FBXW8: variants seen among roughly 807,000 people sequenced by gnomAD.
FBXW8 encodes the protein F-box and WD repeat domain containing 8.
Under a neutral mutation model 65.3 loss-of-function variants are expected in FBXW8, and 57 were observed. The ratio of observed to expected loss-of-function variants is 0.87; its 90% CI spans 0.71 to 1.09. The LOEUF is 1.09. Ranked by LOEUF, FBXW8 falls within the 50% of genes least tolerant of loss-of-function variation. The probability of loss-of-function intolerance (pLI) is 0.00; values close to 1 mark genes in which losing one functional copy is unlikely to be tolerated. For synonymous variants in FBXW8, 308 were observed against 330.2 expected, an observed-to-expected ratio of 0.93 and a Z score of 0.73; for missense variants, 777 against 814.8, an observed-to-expected ratio of 0.95 and a Z score of 0.57.
At chr12:116,986,366 C>G (rs1480157872) in intron 6 of FBXW8, 1 of 152,192 alleles carries the variant, frequency 6.6e-6, no homozygotes, top group East Asian at 1.9e-4. Flanking sequence ...TCAAAACTTC[C>G]ATAGTACTTA....
Position 117,010,365 on chromosome 12 carries a change from C to G in FBXW8, c.1282C>G (p.Leu428Val). 1 of 1,614,232 alleles carries G rather than the reference C, an allele frequency of 6.2e-7. No individual in the cohort carries two copies. Among genetic ancestry groups the G allele is most frequent in the Non-Finnish European group, 8.5e-7 (1 of 1,180,042 alleles). Residue 428 changes from leucine to valine, a missense_variant, in exon 8 of 11, where the codon CTG becomes GTG. By Grantham distance (32) the Leu-to-Val change is conservative (BLOSUM62 1). Coordinates refer to ENST00000652555, the MANE Select transcript of FBXW8 (RefSeq NM_153348.3). ...GGAAGCAGGACGCCGCCTCTTGAAG[C>G]TGGGTAACGTTCTCCGTGACTTCAC... ...SLEAGRRLLK[L>V]GNVLRDFTCV...
At chr12:116,963,986 G>A (rs1884151475) in intron 4 of FBXW8, among the ~76,000 whole-genome samples, 1 of 152,170 alleles carries the variant, frequency 6.6e-6, no homozygotes, top group Admixed American at 6.5e-5. Context: ...GTCATCCTGG[G>A]GGCCTCAAGT....
rs561095604 is a variant in FBXW8 at position 117,006,313 on chromosome 12, A to G, written c.1240-4010A>G. Among the ~76,000 whole-genome samples the G allele has an allele frequency of 2.0e-5, 3 of 152,334 alleles. No homozygotes were observed. In the East Asian group the frequency reaches 5.8e-4, roughly 29 times the overall value. On this transcript the variant is annotated intron_variant, in intron 7 of 10. Coordinates refer to ENST00000652555, the MANE Select transcript of FBXW8 (RefSeq NM_153348.3). ...GTATGCAAGTGGTTCATGATTAATTATGAGGGTGATAGCCCCCAATTTAGG... is the reference window on the plus strand; with the variant it reads ...GTATGCAAGTGGTTCATGATTAATTGTGAGGGTGATAGCCCCCAATTTAGG...
At position 117,028,214 on chromosome 12, in the gene FBXW8, C is replaced by G; in HGVS notation, c.*42C>G. The G allele has an allele frequency of 6.2e-7, 1 of 1,606,180 alleles. No individual in the cohort carries two copies. Among genetic ancestry groups the G allele is most frequent in the South Asian group, 1.1e-5 (1 of 90,786 alleles). ...GGAGCAAGGAGAAAAATGGGAAGAA[C>G]CAGTTTTATCCATCTTAAAACGCCA... On this transcript the variant is annotated 3_prime_UTR_variant, in exon 11 of 11. Coordinates refer to ENST00000652555, the MANE Select transcript of FBXW8 (RefSeq NM_153348.3). The surrounding 1 kb of genome is among the most constrained non-coding windows in gnomAD (Gnocchi z 4.1).
chr12:116,964,927 C>A, intron 5 of FBXW8, 73 bp downstream of exon 5: 1 of 1,474,422 alleles, frequency 6.8e-7, no homozygotes, highest in Non-Finnish European at 9.1e-7. Context: ...CTGTGGCCGG[C>A]TCCCCCCTGT....
chr12:116,924,860 A>T (rs1231742147), intron 1 of FBXW8, among the ~76,000 whole-genome samples: 1 of 152,204 alleles, frequency 6.6e-6, no homozygotes, highest in Non-Finnish European at 1.5e-5. Context: ...ATTTCCAATA[A>T]TAACAAACTG....
At chr12:116,919,237 C>T (rs1461541681) in intron 1 of FBXW8, among the ~76,000 whole-genome samples, 2 of 152,174 alleles carry the variant, frequency 1.3e-5, no homozygotes, top group South Asian at 2.1e-4. Context: ...GCTCCTTGTC[C>T]TCAGAGAGCC....
At chr12:116,940,409 G>A (rs902052996) in intron 2 of FBXW8, among the ~76,000 whole-genome samples, 7 of 151,424 alleles carry the variant, frequency 4.6e-5, no homozygotes, top group East Asian at 1.9e-4. Flanking sequence ...TGGGGCAGAC[G>A]TTGAGGTGGG....
At chr12:116,964,985 A>G in intron 5 of FBXW8, 131 bp downstream of exon 5, 1 of 878,780 alleles carries the variant, frequency 1.1e-6, no homozygotes. Context: ...TCACACACAT[A>G]CACTCACTCT....
intron 5 of FBXW8, among the ~76,000 whole-genome samples, chr12:116,970,329 C>T (rs916949430): frequency 1.6e-4 from 24 of 152,196 alleles, no homozygotes; most frequent in African/African-American, 5.5e-4. Context: ...GGACAGCCAG[C>T]AGTCCTCTTT....
At chr12:116,952,334 T>C (rs900470235) in intron 4 of FBXW8, among the ~76,000 whole-genome samples, 1 of 152,212 alleles carries the variant, frequency 6.6e-6, no homozygotes, top group African/African-American at 2.4e-5. Flanking sequence ...TGTCGTTTAG[T>C]GACACGACTG....
chr12:116,988,627 A>G (rs748900112), intron 6 of FBXW8, 36 bp from the exon 7 acceptor site: 3 of 1,592,424 alleles, frequency 1.9e-6, no homozygotes, highest in Admixed American at 1.7e-5. Context: ...AGTCAGGATG[A>G]ATTTATGGGA....
intron 2 of FBXW8, among the ~76,000 whole-genome samples, chr12:116,932,391 G>A (rs1881837898): frequency 6.6e-6 from 1 of 152,186 alleles, no homozygotes; most frequent in Admixed American, 6.5e-5. Context: ...AAAATTCAAA[G>A]CACCAGCAAG....
chr12:116,947,045 C>T (rs2137349833), intron 3 of FBXW8, among the ~76,000 whole-genome samples: 1 of 152,156 alleles, frequency 6.6e-6, no homozygotes, highest in Admixed American at 6.5e-5. Context: ...TTTTTGCTTC[C>T]TCTTTGGTGA....
rs564035368 is a variant in FBXW8 at position 117,010,984 on chromosome 12, G to A, written c.1367+534G>A. Among the ~76,000 whole-genome samples the A allele has an allele frequency of 1.7e-4, 26 of 152,328 alleles. No individual in the cohort carries two copies. The South Asian group carries it at 2.5e-3, about 15-fold the overall frequency. On this transcript the variant is annotated intron_variant, in intron 8 of 10. Coordinates refer to ENST00000652555, the MANE Select transcript of FBXW8 (RefSeq NM_153348.3). ...CTTTAATGCACTGGCTTAGGGAGTC[G>A]GATTTTCCCGGTATAGGGGCCTGTG...
At chr12:116,920,658 G>C (rs1487171650) in intron 1 of FBXW8, among the ~76,000 whole-genome samples, 1 of 152,152 alleles carries the variant, frequency 6.6e-6, no homozygotes, top group Non-Finnish European at 1.5e-5. Context: ...AGATCTGGGG[G>C]AGGGGATTCT....
intron 7 of FBXW8, 88 bp from the exon 8 acceptor site, chr12:117,010,232 GATC>G: frequency 6.4e-7 from 1 of 1,574,606 alleles, no homozygotes; most frequent in Non-Finnish European, 8.7e-7. Context: ...CAGTGATAAG[GATC>G]ATGCCCTCCA....
intron 2 of FBXW8, 23 bp downstream of exon 2, chr12:116,928,150 T>C: frequency 7.0e-7 from 1 of 1,419,956 alleles, no homozygotes; most frequent in Non-Finnish European, 9.9e-7. Context: ...CAACAGATGT[T>C]CCAGATTTTC....
chr12:116,918,122 T>G (rs900597133), intron 1 of FBXW8, among the ~76,000 whole-genome samples: 14 of 152,204 alleles, frequency 9.2e-5, no homozygotes, highest in African/African-American at 3.4e-4. Flanking sequence ...AGTTGGCACC[T>G]GATAGAGTTC....
Sources: allele counts gnomAD v4.1 joint callset (sites outside exome capture counted in the v4.1 genomes callset), GRCh38; gene constraint gnomAD v4.1.1; non-coding constraint Gnocchi (gnomAD v3.1); transcripts MANE v1.5; gene names NCBI Gene and HGNC (gene_info 2026-07-23, HGNC 2026-07-21).